The following DIP2C variants were observed in gnomAD, a reference collection of about 807,000 sequenced individuals.
The protein encoded by DIP2C is disco-interacting protein 2 homolog C.
DIP2C carries 33 observed loss-of-function variants against 192.4 expected under a neutral mutation model. That is an observed-to-expected ratio of 0.17 (90% CI 0.13 to 0.23). DIP2C has a LOEUF of 0.23. Ranked by LOEUF, DIP2C falls within the 10% of genes least tolerant of loss-of-function variation. DIP2C has a pLI of 1.00. For missense variants in DIP2C, 1,537 were observed against 2,110.1 expected (o/e 0.73, Z 5.32); for synonymous variants, 979 against 864.1 (o/e 1.13, Z -2.33).
chr10:611,660 C>CT (rs1352334317), intron 1 of DIP2C, among the ~76,000 whole-genome samples: 1 of 152,156 alleles, frequency 6.6e-6, no homozygotes, highest in South Asian at 2.1e-4. Context: ...CTTAAGCTTC[C>CT]TTTTTTTCCA....
At chr10:675,070 A>T (rs1830827075) in intron 1 of DIP2C, among the ~76,000 whole-genome samples, 1 of 152,158 alleles carries the variant, frequency 6.6e-6, no homozygotes, top group East Asian at 1.9e-4. Flanking sequence ...ACATTTTTTT[A>T]AAATTGAAAT....
chr10:361,290 G>T (rs940179444), intron 22 of DIP2C, among the ~76,000 whole-genome samples: 1 of 151,024 alleles, frequency 6.6e-6, no homozygotes, highest in Non-Finnish European at 1.5e-5. Context: ...AACTCCTAAG[G>T]AAGAGGGCTT....
At chr10:644,824 A>C (rs1458816744) in intron 1 of DIP2C, among the ~76,000 whole-genome samples, 1 of 152,276 alleles carries the variant, frequency 6.6e-6, no homozygotes, top group Non-Finnish European at 1.5e-5. Flanking sequence ...AGACAGAATG[A>C]AACACGGCCC....
chr10:336,955 GTGTGTTGTGGAGGCCTAGGCAGC>G (rs1405822355), intron 29 of DIP2C, among the ~76,000 whole-genome samples: 3 of 79,334 alleles, frequency 3.8e-5, no homozygotes, highest in Non-Finnish European at 7.6e-5. Flanking sequence ...GCGCGTGTGT[GTGTGTTGTGGAGGCCTAGGCAGC>G]TGTGTGTGTG....
intron 1 of DIP2C, among the ~76,000 whole-genome samples, chr10:619,541 G>GCCCGCCCTCCCTCCCTCCCT: frequency 5.7e-4 from 39 of 67,962 alleles, no homozygotes; most frequent in East Asian, 2.7e-3. Flanking sequence ...CCGCCCGCCC[G>GCCCGCCCTCCCTCCCTCCCT]CCCTCCCACC....
intron 1 of DIP2C, among the ~76,000 whole-genome samples, chr10:612,648 G>A (rs541491659): frequency 1.3e-5 from 2 of 152,270 alleles, no homozygotes; most frequent in South Asian, 4.2e-4. Context: ...AGGTTCCAAA[G>A]GGCCCGGCCA....
intron 17 of DIP2C, among the ~76,000 whole-genome samples, chr10:374,491 CAG>C (rs1491372502): frequency 6.6e-6 from 1 of 152,162 alleles, no homozygotes; most frequent in Non-Finnish European, 1.5e-5. Context: ...GTTTAGCAGA[CAG>C]GGGCAGGGGC....
chr10:275,979 G>A lies in DIP2C; in HGVS notation c.*1346C>T, dbSNP rs1954494446. On this transcript the variant is annotated 3_prime_UTR_variant, in exon 37 of 37. Coordinates refer to ENST00000280886, the MANE Select transcript of DIP2C (RefSeq NM_014974.3). ...GACGAGGGGACGATCACCGATGTGA[G>A]TTCCGGACACTTTGTCCACTCCACA... is the stretch of plus-strand genomic sequence containing the variant. The A allele has an allele frequency of 6.6e-6, 1 of 152,280 alleles. No individual in the cohort carries two copies. Among genetic ancestry groups the A allele is most frequent in the East Asian group, 1.9e-4 (1 of 5,202 alleles). The allele number at this position is 152,280 out of a possible 1,614,324, so 9.4% of individuals were successfully genotyped here.
chr10:619,495 G>A (rs867960114), intron 1 of DIP2C, among the ~76,000 whole-genome samples: 87 of 142,106 alleles, frequency 6.1e-4, no homozygotes, highest in African/African-American at 2.2e-3. Context: ...GCAGAATATC[G>A]GGAGCACAGG....
At chr10:405,698 A>G (rs1964752560) in intron 9 of DIP2C, among the ~76,000 whole-genome samples, 1 of 152,166 alleles carries the variant, frequency 6.6e-6, no homozygotes, top group South Asian at 2.1e-4. Flanking sequence ...TCCTCTGTGT[A>G]CTTCTTTGAT....
chr10:563,693 G>C (rs2131480165), intron 1 of DIP2C, among the ~76,000 whole-genome samples: 1 of 152,364 alleles, frequency 6.6e-6, no homozygotes, highest in East Asian at 1.9e-4. Context: ...TGATTACATT[G>C]CATTTGATTA....
At chr10:654,451 C>T (rs953507167) in intron 1 of DIP2C, among the ~76,000 whole-genome samples, 3 of 152,168 alleles carry the variant, frequency 2.0e-5, no homozygotes, top group African/African-American at 7.2e-5. Context: ...CTACAATGCA[C>T]AGTATTTATA....
chr10:589,642 G>A (rs1320438645), intron 1 of DIP2C, among the ~76,000 whole-genome samples: 1 of 152,106 alleles, frequency 6.6e-6, no homozygotes, highest in African/African-American at 2.4e-5. Context: ...TAACCCGTGT[G>A]TCCCTCCTGA....
chr10:377,108 A>G (rs1961692986), intron 17 of DIP2C, among the ~76,000 whole-genome samples: 1 of 149,058 alleles, frequency 6.7e-6, no homozygotes, highest in Non-Finnish European at 1.5e-5. Flanking sequence ...TGAGCTGCCC[A>G]TCTTTACTGC....
At chr10:519,278 G>GT (rs1195835750) in intron 1 of DIP2C, among the ~76,000 whole-genome samples, 2 of 152,228 alleles carry the variant, frequency 1.3e-5, no homozygotes, top group African/African-American at 2.4e-5. Context: ...GCCAACAGCT[G>GT]TAAGGGGACA....
chr10:335,504 C>CGA (rs1477224503), intron 29 of DIP2C, among the ~76,000 whole-genome samples: 1 of 152,246 alleles, frequency 6.6e-6, no homozygotes, highest in Non-Finnish European at 1.5e-5. Context: ...GGTCGGCTCT[C>CGA]AGCTTCCCGC....
chr10:476,010 C>T (rs1204639993), intron 2 of DIP2C, among the ~76,000 whole-genome samples: 4 of 152,206 alleles, frequency 2.6e-5, no homozygotes, highest in East Asian at 3.8e-4. Context: ...CTCACGTTCA[C>T]AGTCACGTTC....
intron 8 of DIP2C, among the ~76,000 whole-genome samples, chr10:409,313 G>A (rs1055582697): frequency 6.6e-6 from 1 of 152,048 alleles, no homozygotes; most frequent in Non-Finnish European, 1.5e-5. Context: ...TGGGGGTGGC[G>A]AGGGGGGGCG....
chr10:529,789 T>C (rs1205609358), intron 1 of DIP2C, among the ~76,000 whole-genome samples: 3 of 151,714 alleles, frequency 2.0e-5, no homozygotes, highest in Non-Finnish European at 4.4e-5. Flanking sequence ...TAGCTTGCTT[T>C]TATTTTTTTA....
Sources: gnomAD v4.1 joint callset for allele counts (sites outside exome capture counted in the v4.1 genomes callset) on GRCh38, gnomAD v4.1.1 for gene constraint, MANE v1.5 for transcripts, NCBI Gene and HGNC (gene_info 2026-07-23, HGNC 2026-07-21) for gene names.